ROBO2: variants seen among roughly 807,000 people sequenced by gnomAD.
ROBO2 encodes the protein roundabout homolog 2.
A neutral mutation model predicts 160.8 loss-of-function variants in ROBO2; 53 were observed. That is an observed-to-expected ratio of 0.33 (90% CI 0.26 to 0.41). ROBO2 has a LOEUF of 0.41. Ranked by LOEUF, ROBO2 falls within the 10% of genes least tolerant of loss-of-function variation. The probability of loss-of-function intolerance (pLI) is 1.00; values close to 1 mark genes in which losing one functional copy is unlikely to be tolerated. For synonymous variants in ROBO2, 664 were observed against 611.7 expected (o/e 1.09, Z -1.26); for missense variants, 1,577 against 1,722.4 (o/e 0.92, Z 1.49).
intron 2 of ROBO2, among the ~76,000 whole-genome samples, chr3:76,390,184 CT>C (rs1369574881): frequency 6.6e-6 from 1 of 152,080 alleles, no homozygotes; most frequent in African/African-American, 2.4e-5. Context: ...GCCCCACACC[CT>C]CCCCCACAAA....
At chr3:77,069,841 C>G (rs1012805828) in intron 1 of ROBO2, among the ~76,000 whole-genome samples, 1 of 152,014 alleles carries the variant, frequency 6.6e-6, no homozygotes, top group African/African-American at 2.4e-5. Flanking sequence ...TCTGAAGGCT[C>G]TAGGGAAGAG....
intron 2 of ROBO2, among the ~76,000 whole-genome samples, chr3:76,866,017 C>G (rs1050116046): frequency 1.3e-5 from 2 of 151,974 alleles, no homozygotes; most frequent in Admixed American, 1.3e-4. Context: ...TAAGCCTTAC[C>G]AGCCAAATTA....
chr3:75,951,312 C>T (rs1948527095), intron 2 of ROBO2, among the ~76,000 whole-genome samples: 2 of 152,168 alleles, frequency 1.3e-5, no homozygotes, highest in Middle Eastern at 3.4e-3. Context: ...AAACGTCTTT[C>T]TGTAAAGAAC....
intron 2 of ROBO2, among the ~76,000 whole-genome samples, chr3:76,272,979 A>AATT (rs1707653090): frequency 1.1e-5 from 1 of 87,826 alleles, no homozygotes; most frequent in Non-Finnish European, 2.0e-5. Context: ...TAAAATATAT[A>AATT]TAATATATAA....
At chr3:76,663,465 T>C (rs2091906004) in intron 2 of ROBO2, among the ~76,000 whole-genome samples, 1 of 152,182 alleles carries the variant, frequency 6.6e-6, no homozygotes, top group Non-Finnish European at 1.5e-5. Context: ...AAAGATTGTT[T>C]AGTGCTTCTA....
chr3:77,303,070 A>T, intron 2 of ROBO2, among the ~76,000 whole-genome samples: 1 of 152,190 alleles, frequency 6.6e-6, no homozygotes, highest in East Asian at 1.9e-4. Flanking sequence ...GACGGATTTC[A>T]TGGGATTTAA....
chr3:77,609,357 A>G (rs1236372135), intron 21 of ROBO2, among the ~76,000 whole-genome samples: 1 of 152,128 alleles, frequency 6.6e-6, no homozygotes, highest in Non-Finnish European at 1.5e-5. Context: ...AGCAAAGAAA[A>G]ACCAAAGATG....
At chr3:77,358,294 C>T (rs1011085993) in intron 2 of ROBO2, among the ~76,000 whole-genome samples, 1 of 152,142 alleles carries the variant, frequency 6.6e-6, no homozygotes, top group Non-Finnish European at 1.5e-5. Context: ...GTTAGAACTC[C>T]AGTTCCTTCC....
At chr3:77,186,729 A>G (rs1046442758) in intron 2 of ROBO2, among the ~76,000 whole-genome samples, 1 of 151,998 alleles carries the variant, frequency 6.6e-6, no homozygotes, top group Admixed American at 6.6e-5. Context: ...GAGAGTAAGC[A>G]ATGTGATTCC....
intron 2 of ROBO2, among the ~76,000 whole-genome samples, chr3:76,733,071 G>T (rs1001062233): frequency 6.6e-6 from 1 of 152,050 alleles, no homozygotes; most frequent in East Asian, 1.9e-4. Flanking sequence ...ATGAAGAAAT[G>T]CACAGAAAAG....
intron 2 of ROBO2, among the ~76,000 whole-genome samples, chr3:75,982,200 T>A (rs2065297921): frequency 6.6e-6 from 1 of 151,674 alleles, no homozygotes; most frequent in African/African-American, 2.4e-5. Context: ...CTTCCACATC[T>A]TAGCTATTGT....
chr3:76,700,413 G>A (rs923077270), intron 2 of ROBO2, among the ~76,000 whole-genome samples: 15 of 151,878 alleles, frequency 9.9e-5, no homozygotes, highest in Admixed American at 6.6e-5. Context: ...TAAACTTCAT[G>A]AAAATCACCT....
intron 2 of ROBO2, among the ~76,000 whole-genome samples, chr3:76,035,852 T>C (rs1398968367): frequency 1.3e-5 from 2 of 152,040 alleles, no homozygotes; most frequent in Admixed American, 1.3e-4. Context: ...GCCACGGTGT[T>C]GGCACATTTT....
intron 2 of ROBO2, among the ~76,000 whole-genome samples, chr3:77,366,849 A>C (rs2070955544): frequency 6.6e-6 from 1 of 151,800 alleles, no homozygotes; most frequent in African/African-American, 2.4e-5. Context: ...GGCTCTTTTT[A>C]ACTACTAGTT....
In ROBO2 at chr3:76,949,095, C is replaced by G. The variant is rs192227584; in HGVS notation, c.110-148919C>G. ...CTAATCTTTTTCATTTTTTGAGAGC[C>G]ATGTTTCCCTACTTAATTTTTTTCC... On this transcript the variant is annotated intron_variant, in intron 2 of 26. Coordinates refer to the ROBO2 transcript ENST00000487694. 2.0e-3 allele frequency among the ~76,000 whole-genome samples: 308 copies of G among 150,896 alleles called. 3 individuals carry two copies. Among genetic ancestry groups the G allele is most frequent in the African/African-American group, 7.1e-3 (291 of 41,024 alleles).
chr3:76,261,202 G>GTGTGTGTA (rs368720562), intron 2 of ROBO2, among the ~76,000 whole-genome samples: 11 of 67,218 alleles, frequency 1.6e-4, no homozygotes, highest in African/African-American at 3.0e-4. Context: ...GTGTGTGTGT[G>GTGTGTGTA]TATATATATA....
intron 2 of ROBO2, among the ~76,000 whole-genome samples, chr3:77,454,029 C>A (rs2081369032): frequency 6.6e-6 from 1 of 151,934 alleles, no homozygotes; most frequent in Non-Finnish European, 1.5e-5. Context: ...AATGATTGGA[C>A]CAGACACCCT....
intron 6 of ROBO2, among the ~76,000 whole-genome samples, chr3:77,528,565 G>T (rs1256607161): frequency 6.6e-6 from 1 of 151,586 alleles, no homozygotes; most frequent in Non-Finnish European, 1.5e-5. Flanking sequence ...ACTCCCTTTT[G>T]ATTAGTAATT....
rs113008066 is a variant in ROBO2, at chr3:76,806,196, T to TTGTC, written c.110-291815_110-291814insCTGT. Among the ~76,000 whole-genome samples the TTGTC allele has an allele frequency of 6.9e-3, 986 of 143,540 alleles. 7 individuals carry two copies. Among genetic ancestry groups the TTGTC allele is most frequent in the African/African-American group, 0.025 (945 of 38,102 alleles). The allele number at this position is 143,540 out of a possible 152,430, so 94.2% of individuals were successfully genotyped here. A position where few individuals can be genotyped will look rare whatever the true frequency, so the allele number is the denominator to read the frequency against. On this transcript the variant is annotated intron_variant, in intron 2 of 26. Coordinates refer to the ROBO2 transcript ENST00000487694. ...AATTTAACTCCAGTTATCAGGGTGT[T>TTGTC]TGTTTATTTTCTGTGTGCGTGTGTG...
Sources: allele counts gnomAD v4.1 joint callset (sites outside exome capture counted in the v4.1 genomes callset), GRCh38; gene constraint gnomAD v4.1.1; transcripts MANE v1.5; gene names NCBI Gene and HGNC (gene_info 2026-07-23, HGNC 2026-07-21).